SHROOM3: variants seen among roughly 807,000 people sequenced by gnomAD.
SHROOM3 encodes the protein shroom family member 3.
SHROOM3 carries 47 observed loss-of-function variants against 138.6 expected under a neutral mutation model. The observed-to-expected ratio is 0.34, with a 90% confidence interval of 0.27 to 0.43. SHROOM3 has a LOEUF of 0.43. Ranked by LOEUF, SHROOM3 falls within the 20% of genes least tolerant of loss-of-function variation. SHROOM3 has a pLI of 1.00. For synonymous variants in SHROOM3, 1,062 were observed against 1,063.3 expected (o/e 1.00, Z 0.02); for missense variants, 2,491 against 2,596.5 (o/e 0.96, Z 0.88).
intron 3 of SHROOM3, among the ~76,000 whole-genome samples, chr4:76,729,014 C>T (rs2110127506): frequency 6.6e-6 from 1 of 152,060 alleles, no homozygotes; most frequent in African/African-American, 2.4e-5. Context: ...TCTCCCTACC[C>T]TGTCTACTAT....
At chr4:76,495,725 A>C (rs971149215) in intron 1 of SHROOM3, among the ~76,000 whole-genome samples, 2 of 152,176 alleles carry the variant, frequency 1.3e-5, no homozygotes, top group Admixed American at 1.3e-4. Flanking sequence ...AACATTGGTG[A>C]AGGTCTGATG....
At chr4:76,620,936 C>CAGG (rs144594843) in intron 2 of SHROOM3, among the ~76,000 whole-genome samples, 30,487 of 151,896 alleles carry the variant, frequency 0.2, 3,864 homozygotes, top group African/African-American at 0.35. Context: ...CCTGGGTCAG[C>CAGG]AGAACAGCAC....
Position 76,739,790 on chromosome 4 carries a change from G to C in SHROOM3, c.1617G>C (p.Leu539=), listed in dbSNP as rs1441255031. Reference sequence around the variant, plus strand: ...GCCAGCCCTTAGAACATGACTTGCTGTCCCCAGTGGAGAAGAAACCAGAAG... The same window carrying C: ...GCCAGCCCTTAGAACATGACTTGCTCTCCCCAGTGGAGAAGAAACCAGAAG... ...AFCQPLEHDL[L]SPVEKKPEAT... is the part of the protein sequence containing the mutation. The change falls in exon 5 of 11, where the codon CTG becomes CTC. Residue 539 remains leucine (L), a synonymous_variant. Coordinates refer to ENST00000296043, the MANE Select transcript of SHROOM3 (RefSeq NM_020859.4). 1.9e-6 allele frequency: 3 copies of C among 1,614,080 alleles called. No individual in the cohort carries two copies. The highest frequency in any genetic ancestry group is 3.3e-5 in the Admixed American group (2 of 59,998).
chr4:76,457,544 A>T (rs71607354), intron 1 of SHROOM3, among the ~76,000 whole-genome samples: 6 of 147,666 alleles, frequency 4.1e-5, no homozygotes, highest in Non-Finnish European at 7.4e-5. Context: ...CAGGCTGGAG[A>T]GCAGTGGCAC....
chr4:76,741,534 C>T lies in SHROOM3; in HGVS notation c.3361C>T (p.Leu1121Phe), dbSNP rs1336851119. ...PLRERAQSAY[L>F]QPGPAALEGS... is the part of the protein sequence containing the mutation. ...GCGTGAGCGCGCCCAGAGTGCCTAC[C>T]TCCAGCCCGGCCCCGCGGCGCTCGA... is the stretch of plus-strand genomic sequence containing the variant. The change falls in exon 5 of 11, where the codon CTC becomes TTC. Residue 1121 changes from leucine to phenylalanine, a missense_variant. Leu to Phe is a conservative substitution (Grantham distance 22). Coordinates refer to ENST00000296043, the MANE Select transcript of SHROOM3 (RefSeq NM_020859.4). This position sits in a 1 kb window ranked among gnomAD's most constrained non-coding sequence, Gnocchi z 6.2. 1 of 1,552,716 alleles carries T rather than the reference C, an allele frequency of 6.4e-7. No homozygotes were observed. The highest frequency in any genetic ancestry group is 8.7e-7 in the Non-Finnish European group (1 of 1,155,586).
chr4:76,466,568 A>G (rs1292378330), intron 1 of SHROOM3, among the ~76,000 whole-genome samples: 1 of 152,164 alleles, frequency 6.6e-6, no homozygotes, highest in Non-Finnish European at 1.5e-5. Context: ...AATACGTTTT[A>G]ACCTGATGCA....
Position 76,723,169 on chromosome 4 carries a change from T to C in SHROOM3, c.456-7635T>C, listed in dbSNP as rs559663218. On this transcript the variant is annotated intron_variant, in intron 3 of 10. Transcript: ENST00000296043. ...AGCATACCAATCTTTCAAGGTCATC[T>C]GAAGTCCCACTGTACTACTAAGCCT... Among the ~76,000 whole-genome samples the C allele has an allele frequency of 2.8e-3, 424 of 152,326 alleles. 2 individuals carry two copies. Among genetic ancestry groups the C allele is most frequent in the African/African-American group, 9.7e-3 (405 of 41,580 alleles).
chr4:76,445,587 G>A (rs1374738143), intron 1 of SHROOM3, among the ~76,000 whole-genome samples: 1 of 152,144 alleles, frequency 6.6e-6, no homozygotes, highest in South Asian at 2.1e-4. Context: ...CAAAAAGAAA[G>A]TCAGTGTTAT....
At chr4:76,515,395 AG>A (rs1258631567) in intron 1 of SHROOM3, among the ~76,000 whole-genome samples, 42 of 151,882 alleles carry the variant, frequency 2.8e-4, no homozygotes, top group Admixed American at 2.6e-4. Flanking sequence ...GAAAAAAAAA[AG>A]GAAGGAAGGA....
In SHROOM3 at chr4:76,758,758, G is replaced by A. The variant is rs565335462; in HGVS notation, c.5199-787G>A. ...TCCTAATTTCATAGTAAAATGATGG[G>A]CTAGATGTTAAATAATATCACAAGA... On this transcript the variant is annotated intron_variant, in intron 8 of 10. Transcript: ENST00000296043. 5.5e-4 allele frequency among the ~76,000 whole-genome samples: 84 copies of A among 152,212 alleles called. 1 individual carries two copies. The highest frequency in any genetic ancestry group is 1.0e-3 in the South Asian group (5 of 4,824).
intron 2 of SHROOM3, among the ~76,000 whole-genome samples, chr4:76,630,837 A>T (rs1735294643): frequency 6.6e-6 from 1 of 152,180 alleles, no homozygotes; most frequent in Admixed American, 6.5e-5. Context: ...TTCCACTTGA[A>T]TTTACCCCAA....
chr4:76,639,873 C>A (rs1439312453), intron 2 of SHROOM3, among the ~76,000 whole-genome samples: 1 of 152,148 alleles, frequency 6.6e-6, no homozygotes, highest in Non-Finnish European at 1.5e-5. Flanking sequence ...CTAAAGGAAT[C>A]TTATTTCTGC....
Position 76,759,566 on chromosome 4 carries a change from G to C in SHROOM3, c.5220G>C (p.Val1740=), listed in dbSNP as rs752498207. The stretch of plus-strand genomic sequence containing the variant: ...CCAGGAATGAAGACAAGGAAGCAGT[G>C]AGCATGTTGGTTAACTGCCCTGCCT... ...EGKRNEDKEA[V]SMLVNCPAYY... Residue 1740 remains valine, a synonymous_variant, in exon 9 of 11, where the codon GTG becomes GTC. Transcript: ENST00000296043. The C allele has an allele frequency of 5.0e-6, 8 of 1,614,010 alleles. No homozygotes were observed. Among genetic ancestry groups the C allele is most frequent in the Non-Finnish European group, 6.8e-6 (8 of 1,179,996 alleles).
intron 1 of SHROOM3, 92 bp from the exon 2 acceptor site, chr4:76,555,517 T>C: frequency 6.3e-7 from 1 of 1,583,906 alleles, no homozygotes; most frequent in Non-Finnish European, 8.6e-7. Flanking sequence ...CGTTGGGCTC[T>C]GCAGGAGTCT....
rs1730550990 is a variant in SHROOM3 at position 76,435,792 on chromosome 4, C to A, written c.-261C>A. The stretch of plus-strand genomic sequence containing the variant: ...TGACGAACGGAGTAGAGATGTATAC[C>A]ACTTGGGGGCTTCAGTGAGAACCCA... On this transcript the variant is annotated 5_prime_UTR_variant, in exon 1 of 11. Transcript: ENST00000296043. 4.5e-6 allele frequency: 2 copies of A among 446,014 alleles called. No homozygotes were observed. Among genetic ancestry groups the A allele is most frequent in the African/African-American group, 2.0e-5 (1 of 50,778 alleles). The allele number at this position is 446,014 out of a possible 1,614,324, so 27.6% of individuals were successfully genotyped here. A position where few individuals can be genotyped will look rare whatever the true frequency, so the allele number is the denominator to read the frequency against.
At chr4:76,776,092 A>G (rs1207022645) in intron 10 of SHROOM3, among the ~76,000 whole-genome samples, 2 of 152,176 alleles carry the variant, frequency 1.3e-5, no homozygotes, top group African/African-American at 4.8e-5. Context: ...CATCCCCACC[A>G]GCAATGTAAA....
intron 1 of SHROOM3, among the ~76,000 whole-genome samples, chr4:76,489,152 G>A (rs888590901): frequency 6.6e-5 from 10 of 152,116 alleles, no homozygotes; most frequent in African/African-American, 1.7e-4. Flanking sequence ...AATTTCAGAC[G>A]GCAAAAGAAG....
At chr4:76,461,713 T>A (rs1169465505) in intron 1 of SHROOM3, among the ~76,000 whole-genome samples, 1 of 150,808 alleles carries the variant, frequency 6.6e-6, no homozygotes, top group Non-Finnish European at 1.5e-5. Flanking sequence ...ATGGTAATTC[T>A]TGAGAATTTT....
chr4:76,760,022 G>A (rs539996165), intron 9 of SHROOM3, among the ~76,000 whole-genome samples: 2 of 152,302 alleles, frequency 1.3e-5, no homozygotes, highest in East Asian at 1.9e-4. Flanking sequence ...CCAGGACCCC[G>A]ACACTGTTCT....
Sources: allele counts gnomAD v4.1 joint callset (sites outside exome capture counted in the v4.1 genomes callset), GRCh38; gene constraint gnomAD v4.1.1; non-coding constraint Gnocchi (gnomAD v3.1); transcripts MANE v1.5; gene names NCBI Gene and HGNC (gene_info 2026-07-23, HGNC 2026-07-21).